The following MARCHF11 variants were observed in gnomAD, a reference collection of about 807,000 sequenced individuals.
MARCHF11 encodes the protein E3 ubiquitin-protein ligase MARCHF11.
Under a neutral mutation model 37.3 loss-of-function variants are expected in MARCHF11, and 29 were observed. That is an observed-to-expected ratio of 0.78 (90% CI 0.58 to 1.06). The LOEUF (loss-of-function observed/expected upper bound fraction) is 1.06, where lower values mean the gene tolerates loss of function less well. Among genes scored for constraint, MARCHF11 ranks in the 50% least tolerant of loss-of-function variants. MARCHF11 has a pLI of 0.00. For synonymous variants in MARCHF11, 233 were observed against 228.0 expected, an observed-to-expected ratio of 1.02 and a Z score of -0.20; for missense variants, 482 against 533.4, an observed-to-expected ratio of 0.90 and a Z score of 0.95.
chr5:16,172,066 A>G (rs1738276267), intron 2 of MARCHF11, among the ~76,000 whole-genome samples: 1 of 152,190 alleles, frequency 6.6e-6, no homozygotes, highest in Admixed American at 6.5e-5. Flanking sequence ...AGCAAATACC[A>G]TGGCACAATG....
intron 2 of MARCHF11, among the ~76,000 whole-genome samples, chr5:16,100,417 A>G (rs1483565572): frequency 6.6e-6 from 1 of 152,246 alleles, no homozygotes; most frequent in Non-Finnish European, 1.5e-5. Context: ...CAGAGTGACC[A>G]GATGAGCCTG....
chr5:16,109,103 TACACAC>T (rs3031633), intron 2 of MARCHF11, among the ~76,000 whole-genome samples: 207 of 141,408 alleles, frequency 1.5e-3, no homozygotes, highest in African/African-American at 4.8e-3. Context: ...ACATAAGAAA[TACACAC>T]ACACACACAC....
chr5:16,080,105 T>C (rs1294164393), intron 3 of MARCHF11, among the ~76,000 whole-genome samples: 1 of 152,186 alleles, frequency 6.6e-6, no homozygotes, highest in East Asian at 1.9e-4. Flanking sequence ...GTGTCCTTTG[T>C]CAGCTAAGAT....
At chr5:16,137,135 G>T (rs1737622129) in intron 2 of MARCHF11, among the ~76,000 whole-genome samples, 2 of 152,002 alleles carry the variant, frequency 1.3e-5, no homozygotes. Context: ...GAAGAAAAAG[G>T]CCCGTAGATT....
At chr5:16,163,294 G>C (rs1738116374) in intron 2 of MARCHF11, among the ~76,000 whole-genome samples, 1 of 151,828 alleles carries the variant, frequency 6.6e-6, no homozygotes, top group African/African-American at 2.4e-5. Context: ...AAACAAAACA[G>C]TTCCCTCAAA....
chr5:16,077,591 A>G (rs1469689878), intron 3 of MARCHF11, among the ~76,000 whole-genome samples: 1 of 152,200 alleles, frequency 6.6e-6, no homozygotes, highest in East Asian at 1.9e-4. Context: ...ATCTAAGTAT[A>G]ATTAAAATTT....
chr5:16,089,967 C>T (rs1008598665), intron 3 of MARCHF11, among the ~76,000 whole-genome samples: 2 of 152,172 alleles, frequency 1.3e-5, no homozygotes, highest in African/African-American at 2.4e-5. Flanking sequence ...AGCATCCATC[C>T]GCTGAAGCTG....
intron 2 of MARCHF11, among the ~76,000 whole-genome samples, chr5:16,118,659 C>T (rs926970452): frequency 6.6e-6 from 1 of 152,104 alleles, no homozygotes; most frequent in Non-Finnish European, 1.5e-5. Context: ...GAAATCTAAA[C>T]TACACTAAGC....
chr5:16,132,930 T>C (rs1241933859), intron 2 of MARCHF11, among the ~76,000 whole-genome samples: 2 of 152,028 alleles, frequency 1.3e-5, no homozygotes, highest in African/African-American at 4.8e-5. Flanking sequence ...GACATAAACA[T>C]GAACAATAGG....
At chr5:16,163,738 C>T (rs911600926) in intron 2 of MARCHF11, among the ~76,000 whole-genome samples, 1 of 151,876 alleles carries the variant, frequency 6.6e-6, no homozygotes, top group Non-Finnish European at 1.5e-5. Context: ...GATGATGTCC[C>T]CTCTAAAATT....
Position 16,179,453 on chromosome 5 carries a change from C to T in MARCHF11, c.123G>A (p.Pro41=), listed in dbSNP as rs866899785. The T allele has an allele frequency of 4.5e-6, 5 of 1,116,256 alleles. No homozygotes were observed. Among genetic ancestry groups the T allele is most frequent in the African/African-American group, 3.3e-5 (2 of 59,764 alleles). The allele number at this position is 1,116,256 out of a possible 1,614,324, so 69.1% of individuals were successfully genotyped here. The change falls in exon 1 of 4, where the codon CCG becomes CCA. Residue 41 remains proline (P), a synonymous_variant. Coordinates refer to ENST00000332432, the MANE Select transcript of MARCHF11 (RefSeq NM_001102562.3). ...PPTPPPGEPA[P]VPAAPRYLPP... is the part of the protein sequence containing the mutation. ...GCAGGTAGCGCGGGGCCGCGGGGACCGGGGCCGGCTCTCCCGGCGGCGGCG... is the reference window on the plus strand; with the variant it reads ...GCAGGTAGCGCGGGGCCGCGGGGACTGGGGCCGGCTCTCCCGGCGGCGGCG...
chr5:16,075,057 C>A (rs912661073), intron 3 of MARCHF11, among the ~76,000 whole-genome samples: 18 of 152,200 alleles, frequency 1.2e-4, no homozygotes, highest in African/African-American at 4.3e-4. Context: ...GGAGTCTCAT[C>A]TTTTACTAAT....
intron 2 of MARCHF11, among the ~76,000 whole-genome samples, chr5:16,113,635 A>T (rs1002133623): frequency 5.9e-5 from 9 of 151,938 alleles, no homozygotes; most frequent in African/African-American, 1.2e-4. Context: ...AGTGCCTTTT[A>T]AAAAAAATGT....
At chr5:16,101,507 A>C (rs1423582088) in intron 2 of MARCHF11, among the ~76,000 whole-genome samples, 1 of 152,332 alleles carries the variant, frequency 6.6e-6, no homozygotes, top group East Asian at 1.9e-4. Context: ...CCCAAGTGTC[A>C]ACTGTCTAAT....
At chr5:16,090,754 G>A (rs778111921) in intron 3 of MARCHF11, 135 bp downstream of exon 3, 3 of 614,294 alleles carry the variant, frequency 4.9e-6, no homozygotes, top group Admixed American at 4.1e-5. Flanking sequence ...ATTGTGACCC[G>A]CAGCTAATTC....
chr5:16,136,114 C>T (rs746948067), intron 2 of MARCHF11, among the ~76,000 whole-genome samples: 59 of 152,028 alleles, frequency 3.9e-4, no homozygotes, highest in Non-Finnish European at 7.6e-4. Flanking sequence ...TAAATATGCT[C>T]TTAAAAATTC....
At chr5:16,088,889 T>C (rs1216064006) in intron 3 of MARCHF11, among the ~76,000 whole-genome samples, 3 of 152,134 alleles carry the variant, frequency 2.0e-5, no homozygotes, top group Non-Finnish European at 4.4e-5. Context: ...ATGGCAACTG[T>C]TTTTGTTTCT....
At chr5:16,161,431 G>A (rs1738075926) in intron 2 of MARCHF11, among the ~76,000 whole-genome samples, 1 of 151,808 alleles carries the variant, frequency 6.6e-6, no homozygotes, top group Non-Finnish European at 1.5e-5. Flanking sequence ...GACTCTGAGA[G>A]CTAAAGGTTT....
chr5:16,134,977 T>TTCTC (rs146251875), intron 2 of MARCHF11, among the ~76,000 whole-genome samples: 3,043 of 143,000 alleles, frequency 0.021, 103 homozygotes, highest in African/African-American at 0.07. Flanking sequence ...TATGAGTGAT[T>TTCTC]TCTCTCTCTC....
Sources: allele counts gnomAD v4.1 joint callset (sites outside exome capture counted in the v4.1 genomes callset), GRCh38; gene constraint gnomAD v4.1.1; transcripts MANE v1.5; gene names NCBI Gene and HGNC (gene_info 2026-07-23, HGNC 2026-07-21).